The following CRYBA1 variants were observed in gnomAD, a reference collection of about 807,000 sequenced individuals.
CRYBA1 encodes beta-crystallin A3.
Under a neutral mutation model 36.2 loss-of-function variants are expected in CRYBA1, and 25 were observed. The observed-to-expected ratio is 0.69, with a 90% CI of 0.50 to 0.97. CRYBA1 has a LOEUF of 0.97. Ranked by LOEUF, CRYBA1 falls within the 50% of genes least tolerant of loss-of-function variation. The pLI, the probability that CRYBA1 is intolerant of heterozygous loss-of-function variation, is 0.00. For missense variants in CRYBA1, 224 were observed against 276.3 expected, an observed-to-expected ratio of 0.81 and a Z score of 1.34; for synonymous variants, 111 against 90.0, an observed-to-expected ratio of 1.23 and a Z score of -1.32.
chr17:29,254,439 T>G lies in CRYBA1; in HGVS notation c.*90T>G. ...AGTTTTATGTTCTGCTCACAGACAT[T>G]GCTTTCAAATGTTAGCTGCTGAAAT... On this transcript the variant is annotated 3_prime_UTR_variant, in exon 6 of 6. Coordinates refer to ENST00000225387, the MANE Select transcript of CRYBA1 (RefSeq NM_005208.5). The G allele has an allele frequency of 1.4e-6, 2 of 1,385,340 alleles. No individual in the cohort carries two copies. Among genetic ancestry groups the G allele is most frequent in the Non-Finnish European group, 1.0e-6 (1 of 977,256 alleles). 85.8% of individuals were successfully genotyped at this position (1,385,340 alleles called of 1,614,324 possible). A position where few individuals can be genotyped will look rare whatever the true frequency, so the allele number is the denominator to read the frequency against.
chr17:29,254,297 GCT>G lies in CRYBA1; in HGVS notation c.600_601del (p.His201CysfsTer18). ...GACTATAAACATTGGAGAGAGTGGG[GCT>G]CTCATGCCCAGACTTCGCAGATCCA... is the stretch of plus-strand genomic sequence containing the variant. On this transcript the variant is annotated frameshift_variant, in exon 6 of 6. Coordinates refer to ENST00000225387, the MANE Select transcript of CRYBA1 (RefSeq NM_005208.5). LOFTEE classifies it high-confidence loss of function. 1 of 1,614,024 alleles carries G rather than the reference GCT, an allele frequency of 6.2e-7. No individual in the cohort carries two copies.
At chr17:29,252,278 T>C (rs1233214033) in intron 4 of CRYBA1, 73 bp downstream of exon 4, 17 of 1,586,966 alleles carry the variant, frequency 1.1e-5, no homozygotes, top group Non-Finnish European at 1.3e-5. Flanking sequence ...CTGACGTTCA[T>C]GCTATTTATC....
chr17:29,251,722 G>A (rs1421632211), intron 3 of CRYBA1, among the ~76,000 whole-genome samples: 1 of 152,120 alleles, frequency 6.6e-6, no homozygotes, highest in Non-Finnish European at 1.5e-5. Flanking sequence ...CAAGCGATCT[G>A]CTTGCCTTGG....
In CRYBA1 at chr17:29,254,360, G is replaced by T. The variant is rs764236271; in HGVS notation, c.*11G>T. 2.5e-6 allele frequency: 4 copies of T among 1,613,974 alleles called. No homozygotes were observed. Among genetic ancestry groups the T allele is most frequent in the Non-Finnish European group, 3.4e-6 (4 of 1,179,952 alleles). On this transcript the variant is annotated 3_prime_UTR_variant, in exon 6 of 6. Coordinates refer to ENST00000225387, the MANE Select transcript of CRYBA1 (RefSeq NM_005208.5). The stretch of plus-strand genomic sequence containing the variant: ...CGAATCCAACAGTAGCTGATTAAAA[G>T]CTCCAAGTACGATAATTCCTCAAGC...
intron 4 of CRYBA1, among the ~76,000 whole-genome samples, chr17:29,253,361 T>C (rs571662034): frequency 6.6e-6 from 1 of 152,354 alleles, no homozygotes; most frequent in Non-Finnish European, 1.5e-5. Context: ...ATTAATCCCT[T>C]GGTTGGCTGC....
chr17:29,252,211 T>G lies in CRYBA1; in HGVS notation c.357+6T>G. On this transcript the variant is annotated splice_donor_region_variant and intron_variant, in intron 4 of 5. Coordinates refer to ENST00000225387, the MANE Select transcript of CRYBA1 (RefSeq NM_005208.5). The stretch of plus-strand genomic sequence containing the variant: ...TCCGCCCCATCTGTTCAGCTGTGAG[T>G]CTCTGAAATTTCCACTTCCGTGCAT... 1 of 1,613,986 alleles carries G rather than the reference T, an allele frequency of 6.2e-7. No homozygotes were observed. Among genetic ancestry groups the G allele is most frequent in the Non-Finnish European group, 8.5e-7 (1 of 1,179,990 alleles).
intron 1 of CRYBA1, among the ~76,000 whole-genome samples, chr17:29,247,580 T>C (rs2068908278): frequency 6.6e-6 from 1 of 152,214 alleles, no homozygotes; most frequent in African/African-American, 2.4e-5. Context: ...CTTCAATAAG[T>C]CTTTTTCAAT....
At chr17:29,248,457 C>T (rs1279820690) in intron 1 of CRYBA1, among the ~76,000 whole-genome samples, 5 of 151,206 alleles carry the variant, frequency 3.3e-5, no homozygotes, top group African/African-American at 1.2e-4. Flanking sequence ...CTCTGCCTCC[C>T]GGGTTCAAGC....
chr17:29,253,230 A>C (rs2068946740), intron 4 of CRYBA1, among the ~76,000 whole-genome samples: 1 of 152,194 alleles, frequency 6.6e-6, no homozygotes, highest in African/African-American at 2.4e-5. Context: ...TGTAGTATTC[A>C]TGTCCCCTAC....
chr17:29,249,699 T>C (rs1299017911), intron 2 of CRYBA1, among the ~76,000 whole-genome samples: 1 of 152,168 alleles, frequency 6.6e-6, no homozygotes, highest in East Asian at 1.9e-4. Flanking sequence ...GCTTTGCGAG[T>C]GGTCCTCTGG....
intron 3 of CRYBA1, 57 bp downstream of exon 3, chr17:29,250,357 G>A (rs2068928479): frequency 6.2e-6 from 6 of 967,864 alleles, no homozygotes; most frequent in Non-Finnish European, 1.0e-5. Context: ...TTCAGACAGG[G>A]GACCATAGAG....
At position 29,254,430 on chromosome 17, in the gene CRYBA1, C is replaced by A; in HGVS notation, c.*81C>A. 1 of 1,433,628 alleles carries A rather than the reference C, an allele frequency of 7.0e-7. No homozygotes were observed. 88.8% of individuals were successfully genotyped at this position (1,433,628 alleles called of 1,614,324 possible). A position where few individuals can be genotyped will look rare whatever the true frequency, so the allele number is the denominator to read the frequency against. ...TCTAGAATAAGTTTTATGTTCTGCT[C>A]ACAGACATTGCTTTCAAATGTTAGC... is the stretch of plus-strand genomic sequence containing the variant. On this transcript the variant is annotated 3_prime_UTR_variant, in exon 6 of 6. Coordinates refer to ENST00000225387, the MANE Select transcript of CRYBA1 (RefSeq NM_005208.5).
At chr17:29,252,333 AAG>A (rs1403764894) in intron 4 of CRYBA1, 128 bp downstream of exon 4, 4 of 1,309,730 alleles carry the variant, frequency 3.1e-6, no homozygotes, top group Admixed American at 4.0e-5. Flanking sequence ...AAAGTAAAAA[AAG>A]AGAAAACATC....
intron 3 of CRYBA1, 72 bp downstream of exon 3, chr17:29,250,372 G>A (rs1384087997): frequency 1.1e-6 from 1 of 875,916 alleles, no homozygotes. Flanking sequence ...ATAGAGTGGG[G>A]ATAGGGGAAG....
At chr17:29,253,045 T>G (rs1291503015) in intron 4 of CRYBA1, among the ~76,000 whole-genome samples, 1 of 152,098 alleles carries the variant, frequency 6.6e-6, no homozygotes, top group Non-Finnish European at 1.5e-5. Flanking sequence ...TTCTCATGAG[T>G]TTTTGAAAAA....
At chr17:29,251,605 C>G (rs2068935763) in intron 3 of CRYBA1, among the ~76,000 whole-genome samples, 1 of 152,172 alleles carries the variant, frequency 6.6e-6, no homozygotes, top group African/African-American at 2.4e-5. Context: ...CCTCAGCCCC[C>G]TGAATAGCTG....
chr17:29,253,505 A>T, intron 4 of CRYBA1, 135 bp from the exon 5 acceptor site: 1 of 693,834 alleles, frequency 1.4e-6, no homozygotes. Context: ...TTTTCTCACA[A>T]ATCTGTTGCC....
At chr17:29,253,588 T>G (rs907485535) in intron 4 of CRYBA1, 52 bp from the exon 5 acceptor site, 20 of 1,441,082 alleles carry the variant, frequency 1.4e-5, no homozygotes, top group African/African-American at 9.9e-5. Context: ...ACATGAAGAA[T>G]GATAGCCATA....
intron 5 of CRYBA1, 37 bp from the exon 6 acceptor site, chr17:29,254,161 CTAAT>C (rs1166497697): frequency 4.3e-6 from 7 of 1,609,700 alleles, no homozygotes; most frequent in Non-Finnish European, 5.9e-6. Flanking sequence ...AACCAGATTC[CTAAT>C]TAGTTTTAAT....
Sources: allele counts gnomAD v4.1 joint callset (sites outside exome capture counted in the v4.1 genomes callset), GRCh38; gene constraint gnomAD v4.1.1; transcripts MANE v1.5; gene names NCBI Gene and HGNC (gene_info 2026-07-23, HGNC 2026-07-21).